Variants in CASK observed in about 807,000 individuals in gnomAD.
The protein encoded by CASK is peripheral plasma membrane protein CASK.
CASK carries 4 observed loss-of-function variants against 82.9 expected under a neutral mutation model. The observed-to-expected ratio is 0.05, with a 90% CI of 0.02 to 0.11. The LOEUF is 0.11. Ranked by LOEUF, CASK falls within the 10% of genes least tolerant of loss-of-function variation. The probability of loss-of-function intolerance (pLI) is 1.00; values close to 1 mark genes in which losing one functional copy is unlikely to be tolerated. For missense variants in CASK, 358 were observed against 720.9 expected (o/e 0.50, Z 5.76); for synonymous variants, 259 against 253.5 (o/e 1.02, Z -0.20).
intron 10 of CASK, among the ~76,000 whole-genome samples, chrX:41,625,178 CTTAAT>C (rs1309615016): frequency 9.6e-6 from 1 of 104,183 alleles, no homozygotes; most frequent in Non-Finnish European, 2.0e-5. Context: ...TTTTTTATCT[CTTAAT>C]TTTTTTTTTT....
At chrX:41,825,959 T>C (rs866350119) in intron 2 of CASK, among the ~76,000 whole-genome samples, 1 of 112,163 alleles carries the variant, frequency 8.9e-6, no homozygotes, top group Admixed American at 9.5e-5. Context: ...ACATGGTATG[T>C]CCTTATTTTA....
intron 17 of CASK, among the ~76,000 whole-genome samples, chrX:41,560,474 G>T (rs2065213220): frequency 9.4e-6 from 1 of 106,428 alleles, no homozygotes; most frequent in Non-Finnish European, 1.9e-5. Flanking sequence ...ATGTTGGCCA[G>T]GCTGGTCTCA....
intron 1 of CASK, among the ~76,000 whole-genome samples, chrX:41,880,953 TTCTA>T (rs1237993009): frequency 9.0e-6 from 1 of 111,596 alleles, no homozygotes; most frequent in Non-Finnish European, 1.9e-5. Context: ...ATTTCACATT[TTCTA>T]TCTATCTTTC....
At chrX:41,790,466 A>G (rs745558001) in intron 2 of CASK, among the ~76,000 whole-genome samples, 7 of 111,818 alleles carry the variant, frequency 6.3e-5, no homozygotes, top group Admixed American at 9.5e-5. Context: ...TCTGCCACAC[A>G]TTTGGCTCCA....
chrX:41,639,523 G>C (rs774539310), intron 8 of CASK, among the ~76,000 whole-genome samples: 9 of 110,169 alleles, frequency 8.2e-5, no homozygotes, highest in Non-Finnish European at 1.3e-4. Context: ...AAACCAGCTG[G>C]AAATAATAAA....
intron 1 of CASK, among the ~76,000 whole-genome samples, chrX:41,888,077 A>G (rs967913065): frequency 1.4e-4 from 16 of 111,752 alleles, no homozygotes; most frequent in African/African-American, 5.2e-4. Flanking sequence ...ATAGATCATA[A>G]GGCCTTCTGA....
chrX:41,552,157 G>A, intron 21 of CASK, among the ~76,000 whole-genome samples: 1 of 106,208 alleles, frequency 9.4e-6, no homozygotes, highest in South Asian at 4.2e-4. Flanking sequence ...GGCTAGCTTC[G>A]AACTCCTGAC....
At chrX:41,619,894 A>G (rs1487095556) in intron 11 of CASK, among the ~76,000 whole-genome samples, 1 of 112,343 alleles carries the variant, frequency 8.9e-6, no homozygotes, top group Admixed American at 9.4e-5. Flanking sequence ...ATGTCTACCC[A>G]TCTATCCATC....
chrX:41,922,949 G>A lies in CASK; in HGVS notation c.40C>T (p.Leu14=). The change falls in exon 1 of 27, where the codon CTG becomes TTG. Residue 14 remains leucine (L), a synonymous_variant. Transcript: ENST00000378163. ...ACTCACTTTCCGATCACCTCGCACA[G>A]CTCGTACACATCCTCGAACAGCACG... ...DDVLFEDVYE[L]CEVIGKGPFS... The A allele has an allele frequency of 8.3e-7, 1 of 1,211,027 alleles. No homozygotes were observed. The highest frequency in any genetic ancestry group is 1.8e-5 in the South Asian group (1 of 56,981).
chrX:41,825,410 C>T (rs1356240921), intron 2 of CASK, among the ~76,000 whole-genome samples: 4 of 111,446 alleles, frequency 3.6e-5, no homozygotes, highest in Non-Finnish European at 5.6e-5. Flanking sequence ...TTTGATTGCC[C>T]CGAATCACAA....
chrX:41,883,627 T>C (rs1172236307), intron 1 of CASK, among the ~76,000 whole-genome samples: 1 of 111,549 alleles, frequency 9.0e-6, no homozygotes, highest in Non-Finnish European at 1.9e-5. Flanking sequence ...AATATCGACA[T>C]TTTTTGACGA....
intron 22 of CASK, 27 bp from the exon 23 acceptor site, chrX:41,535,000 G>A: frequency 1.3e-5 from 13 of 963,963 alleles, no homozygotes; most frequent in Non-Finnish European, 1.9e-5. Flanking sequence ...TAGAAGAAAG[G>A]TAAATTTGTA....
At chrX:41,626,820 T>C (rs2066386490) in intron 9 of CASK, 117 bp from the exon 10 acceptor site, 1 of 511,311 alleles carries the variant, frequency 2.0e-6, no homozygotes, top group Non-Finnish European at 3.4e-6. Context: ...TAGGAGATGA[T>C]GGCTAGAAGA....
intron 7 of CASK, among the ~76,000 whole-genome samples, chrX:41,662,429 C>T (rs1344254555): frequency 9.0e-6 from 1 of 111,553 alleles, no homozygotes; most frequent in African/African-American, 3.3e-5. Context: ...TGTCATCAAA[C>T]TTTTCTTTAA....
chrX:41,798,520 T>A (rs1291382374), intron 2 of CASK, among the ~76,000 whole-genome samples: 1 of 112,634 alleles, frequency 8.9e-6, no homozygotes, highest in African/African-American at 3.2e-5. Flanking sequence ...CAGAGAGCAG[T>A]TAAGTAACTC....
At chrX:41,569,417 G>A (rs1411514549) in intron 16 of CASK, among the ~76,000 whole-genome samples, 1 of 111,182 alleles carries the variant, frequency 9.0e-6, no homozygotes, top group South Asian at 3.8e-4. Flanking sequence ...GGCCAATAAT[G>A]ATTAAAATCA....
Position 41,520,465 on chromosome X carries a change from G to T in CASK, c.2736C>A (p.Leu912=). The T allele has an allele frequency of 8.3e-7, 1 of 1,209,515 alleles. No homozygotes were observed. The highest frequency in any genetic ancestry group is 1.1e-6 in the Non-Finnish European group (1 of 893,895). ...GGACCCACTGTGGGGCTGTGCACAC[G>T]AGCTCAACAGCTTCCTCCAGATGTC... ...TIRHLEEAVE[L]VCTAPQWVPV... Residue 912 remains leucine (L), a synonymous_variant, in exon 27 of 27, where the codon CTC becomes CTA. Coordinates refer to ENST00000378163, the MANE Select transcript of CASK (RefSeq NM_001367721.1).
Position 41,558,819 on chromosome X carries a change from C to T in CASK, c.1737+960G>A, listed in dbSNP as rs185480717. The T allele has an allele frequency of 2.4e-3, 272 of 111,404 alleles. 2 individuals are homozygous for T. Among genetic ancestry groups the T allele is most frequent in the Middle Eastern group, 9.3e-3 (2 of 216 alleles). 9.2% of individuals were successfully genotyped at this position (111,404 alleles called of 1,213,427 possible). On this transcript the variant is annotated intron_variant, in intron 18 of 26. Coordinates refer to ENST00000378163, the MANE Select transcript of CASK (RefSeq NM_001367721.1). Reference sequence around the variant, plus strand: ...AATAGGCTTTTAAAAAATATGAAGCCTCTGATTTTTCTTATGAAATTTACA... The same window carrying T: ...AATAGGCTTTTAAAAAATATGAAGCTTCTGATTTTTCTTATGAAATTTACA...
chrX:41,803,649 A>G (rs2070052099), intron 2 of CASK, among the ~76,000 whole-genome samples: 1 of 111,619 alleles, frequency 9.0e-6, no homozygotes, highest in Non-Finnish European at 1.9e-5. Flanking sequence ...TTCACCCCAG[A>G]TATAACAATA....
Sources: allele counts gnomAD v4.1 joint callset (sites outside exome capture counted in the v4.1 genomes callset), GRCh38; gene constraint gnomAD v4.1.1; transcripts MANE v1.5; gene names NCBI Gene and HGNC (gene_info 2026-07-23, HGNC 2026-07-21).